Variants in MIPOL1 observed in about 807,000 individuals in gnomAD.
The protein encoded by MIPOL1 is mirror-image polydactyly 1.
Under a neutral mutation model 60.9 loss-of-function variants are expected in MIPOL1, and 57 were observed. The observed-to-expected ratio is 0.94, with a 90% CI of 0.76 to 1.17. The LOEUF is 1.17. Among genes scored for constraint, MIPOL1 ranks in the 50% most tolerant of loss-of-function variants. The pLI is 0.00. For missense variants in MIPOL1, 551 were observed against 511.6 expected (o/e 1.08, Z -0.74); for synonymous variants, 179 against 168.8 (o/e 1.06, Z -0.47).
chr14:37,521,379 C>T (rs2095412126), intron 12 of MIPOL1, among the ~76,000 whole-genome samples: 1 of 152,078 alleles, frequency 6.6e-6, no homozygotes, highest in African/African-American at 2.4e-5. Context: ...CTCTCTTTAA[C>T]TTCATTTTTT....
chr14:37,460,530 A>G (rs1034709485), intron 11 of MIPOL1, among the ~76,000 whole-genome samples: 6 of 152,218 alleles, frequency 3.9e-5, no homozygotes, highest in African/African-American at 1.4e-4. Flanking sequence ...AAGAGAAAGA[A>G]ATAGAAGGCA....
chr14:37,447,995 T>C (rs2094362780), intron 11 of MIPOL1, among the ~76,000 whole-genome samples: 1 of 152,152 alleles, frequency 6.6e-6, no homozygotes, highest in African/African-American at 2.4e-5. Context: ...GACTCTTGAC[T>C]GGTTTTATAA....
chr14:37,466,389 C>T (rs929098811), intron 11 of MIPOL1, among the ~76,000 whole-genome samples: 3 of 152,154 alleles, frequency 2.0e-5, no homozygotes, highest in Non-Finnish European at 4.4e-5. Flanking sequence ...TACACCTACA[C>T]AGTATATTGC....
intron 9 of MIPOL1, among the ~76,000 whole-genome samples, chr14:37,326,163 GA>G (rs2089140510): frequency 6.6e-6 from 1 of 152,170 alleles, no homozygotes; most frequent in Admixed American, 6.5e-5. Context: ...TTACTTTGGA[GA>G]ATCTTACCCA....
intron 3 of MIPOL1, chr14:37,265,122 T>C (rs543731441): frequency 6.6e-6 from 1 of 152,348 alleles, no homozygotes; most frequent in South Asian, 2.1e-4. Flanking sequence ...AATTTATTTC[T>C]TCTCCTCTAT....
chr14:37,414,765 C>T (rs554591116), intron 10 of MIPOL1, among the ~76,000 whole-genome samples: 1 of 152,202 alleles, frequency 6.6e-6, no homozygotes, highest in African/African-American at 2.4e-5. Context: ...AAACCGAATC[C>T]AAGTAAACAG....
chr14:37,340,478 A>G (rs1410905048), intron 9 of MIPOL1, among the ~76,000 whole-genome samples: 1 of 152,162 alleles, frequency 6.6e-6, no homozygotes, highest in African/African-American at 2.4e-5. Context: ...TGGGAGGCCA[A>G]GTCGGACGAT....
At chr14:37,292,223 G>A (rs756299898) in intron 7 of MIPOL1, among the ~76,000 whole-genome samples, 3 of 151,694 alleles carry the variant, frequency 2.0e-5, no homozygotes, top group Admixed American at 6.6e-5. Flanking sequence ...AAGCCACCAC[G>A]CCCAGCTGGC....
At chr14:37,417,483 A>G (rs1307733840) in intron 10 of MIPOL1, among the ~76,000 whole-genome samples, 1 of 152,156 alleles carries the variant, frequency 6.6e-6, no homozygotes, top group Admixed American at 6.5e-5. Context: ...GGAAATACAC[A>G]ATGGTAAGCA....
At chr14:37,228,286 T>A (rs539635030) in intron 1 of MIPOL1, among the ~76,000 whole-genome samples, 1 of 152,122 alleles carries the variant, frequency 6.6e-6, no homozygotes, top group Non-Finnish European at 1.5e-5. Flanking sequence ...TTTCTTGAAG[T>A]TTTTGGTTGG....
intron 11 of MIPOL1, among the ~76,000 whole-genome samples, chr14:37,431,851 C>T (rs937112939): frequency 2.0e-5 from 3 of 152,078 alleles, no homozygotes; most frequent in South Asian, 2.1e-4. Context: ...TCCCAAAGTG[C>T]TGGGATTACA....
At chr14:37,223,754 G>A (rs1398963453) in intron 1 of MIPOL1, among the ~76,000 whole-genome samples, 1 of 152,142 alleles carries the variant, frequency 6.6e-6, no homozygotes, top group East Asian at 1.9e-4. Context: ...GCCCACCTCG[G>A]TCCCCCAGAG....
intron 7 of MIPOL1, among the ~76,000 whole-genome samples, chr14:37,287,735 GA>G (rs987163051): frequency 1.3e-3 from 197 of 151,414 alleles, no homozygotes; most frequent in African/African-American, 4.3e-3. Context: ...AAATGAGACT[GA>G]AAAAAAAGGT....
intron 1 of MIPOL1, among the ~76,000 whole-genome samples, chr14:37,226,857 C>G (rs1172894150): frequency 6.6e-6 from 1 of 152,162 alleles, no homozygotes; most frequent in East Asian, 1.9e-4. Flanking sequence ...CTTAGGACTC[C>G]TTTCTGGGTA....
intron 9 of MIPOL1, among the ~76,000 whole-genome samples, chr14:37,322,804 G>C (rs551154059): frequency 6.6e-6 from 1 of 151,920 alleles, no homozygotes; most frequent in Non-Finnish European, 1.5e-5. Context: ...CATATCCTTT[G>C]CCCACTTTTT....
chr14:37,481,357 T>C (rs2094861343), intron 11 of MIPOL1, among the ~76,000 whole-genome samples: 1 of 151,932 alleles, frequency 6.6e-6, no homozygotes, highest in African/African-American at 2.4e-5. Context: ...CTCTAAAATG[T>C]CAATGAAAGA....
intron 9 of MIPOL1, among the ~76,000 whole-genome samples, chr14:37,356,184 T>C (rs1452726435): frequency 1.3e-5 from 2 of 151,718 alleles, no homozygotes; most frequent in East Asian, 1.9e-4. Flanking sequence ...TGTCAGTCTG[T>C]CCCTGCTGGG....
At chr14:37,229,898 A>G (rs1970346257) in intron 1 of MIPOL1, among the ~76,000 whole-genome samples, 2 of 152,144 alleles carry the variant, frequency 1.3e-5, no homozygotes, top group African/African-American at 4.8e-5. Context: ...GATGATGGTT[A>G]TCAGGGGCTA....
chr14:37,496,139 T>G (rs1398260931), intron 11 of MIPOL1, among the ~76,000 whole-genome samples: 1 of 151,928 alleles, frequency 6.6e-6, no homozygotes, highest in Non-Finnish European at 1.5e-5. Flanking sequence ...TAGGTATTGT[T>G]GGGACGTATT....
Sources: gnomAD v4.1 joint callset for allele counts (sites outside exome capture counted in the v4.1 genomes callset) on GRCh38, gnomAD v4.1.1 for gene constraint, MANE v1.5 for transcripts, NCBI Gene and HGNC (gene_info 2026-07-23, HGNC 2026-07-21) for gene names.